Variants in NPR2 observed in about 807,000 individuals in gnomAD.
The protein encoded by NPR2 is atrial natriuretic peptide receptor 2.
A neutral mutation model predicts 120.7 loss-of-function variants in NPR2; 49 were observed. The observed-to-expected ratio is 0.41, with a 90% CI of 0.32 to 0.52. The LOEUF (loss-of-function observed/expected upper bound fraction) is 0.52. NPR2 is among the 20% of genes least tolerant of loss of function. The pLI is 0.36. For synonymous variants in NPR2, 484 were observed against 519.8 expected, an observed-to-expected ratio of 0.93 and a Z score of 0.94; for missense variants, 931 against 1,362.9, an observed-to-expected ratio of 0.68 and a Z score of 4.99.
rs762425106 is a variant in NPR2 at position 35,805,945 on chromosome 9, T to A, written c.2163T>A (p.Ser721Arg). 20 of 1,614,238 alleles carry A rather than the reference T, an allele frequency of 1.2e-5. No homozygotes were observed. The highest frequency in any genetic ancestry group is 1.6e-5 in the Non-Finnish European group (19 of 1,180,046). The change falls in exon 14 of 22, where the codon AGT (serine) becomes AGA (arginine). Residue 721 changes from serine to arginine, a missense_variant. This residue lies in a region of NPR2 where 681 missense variants were observed against 974.3 expected (regional missense o/e 0.70). Transcript: ENST00000342694. This position sits in a 1 kb window ranked among gnomAD's most constrained non-coding sequence, Gnocchi z 4.9. ...TCCTGCAGGAGATAGCACTTCGCAG[T>A]GGTCCTTTCTACTTGGAGGGCCTGG... ...GIILQEIALR[S>R]GPFYLEGLDL... is the part of the protein sequence containing the mutation.
At chr9:35,798,643 A>G (rs1301686977) in intron 2 of NPR2, among the ~76,000 whole-genome samples, 1 of 152,232 alleles carries the variant, frequency 6.6e-6, no homozygotes. Context: ...TCACAAAGTC[A>G]TGTTTCATAA....
At position 35,805,763 on chromosome 9, in the gene NPR2, A is replaced by G. The variant is rs968516531; in HGVS notation, c.2048-67A>G. The G allele has an allele frequency of 6.2e-7, 1 of 1,607,236 alleles. No homozygotes were observed. Among genetic ancestry groups the G allele is most frequent in the African/African-American group, 1.3e-5 (1 of 74,902 alleles). On this transcript the variant is annotated intron_variant, in intron 13 of 21. Transcript: ENST00000342694. The surrounding 1 kb of genome is among the most constrained non-coding windows in gnomAD (Gnocchi z 4.9). Reference sequence around the variant, plus strand: ...GAGGTGGAGTGACAGTAATATAGGGATGAGCCCAGGTGGGCTTGGGGGTGC... The same window carrying G: ...GAGGTGGAGTGACAGTAATATAGGGGTGAGCCCAGGTGGGCTTGGGGGTGC...
Position 35,799,715 on chromosome 9 carries a change from A to G in NPR2, c.971A>G (p.Glu324Gly). 1 of 1,613,524 alleles carries G rather than the reference A, an allele frequency of 6.2e-7. No individual in the cohort carries two copies. Among genetic ancestry groups the G allele is most frequent in the Non-Finnish European group, 8.5e-7 (1 of 1,179,670 alleles). Reference sequence around the variant, plus strand: ...AGAGCCCGGGAAGACTTTGGTGTGGAGCTGGGCCCTTCCCTGGTAAGTAGA... The same window carrying G: ...AGAGCCCGGGAAGACTTTGGTGTGGGGCTGGGCCCTTCCCTGGTAAGTAGA... ...LIRAREDFGV[E>G]LGPSLMNLIA... The change falls in exon 3 of 22, where the codon GAG (glutamate) becomes GGG (glycine). Residue 324 changes from glutamate (E) to glycine (G), a missense_variant. This residue lies in a region of NPR2 where 681 missense variants were observed against 974.3 expected (regional missense o/e 0.70). Coordinates refer to ENST00000342694, the MANE Select transcript of NPR2 (RefSeq NM_003995.4).
At chr9:35,796,387 G>A (rs963631634) in intron 2 of NPR2, among the ~76,000 whole-genome samples, 3 of 152,150 alleles carry the variant, frequency 2.0e-5, no homozygotes, top group African/African-American at 7.2e-5. Context: ...GTCTTATCAT[G>A]TTGCCCAGGC....
Position 35,800,924 on chromosome 9 carries a change from T to C in NPR2, c.1351+83T>C. On this transcript the variant is annotated intron_variant, in intron 6 of 21. Coordinates refer to ENST00000342694, the MANE Select transcript of NPR2 (RefSeq NM_003995.4). This position sits in a 1 kb window ranked among gnomAD's most constrained non-coding sequence, Gnocchi z 4.7. ...TCCACCCTCACTGACCCTCCACTCT[T>C]AACTGTGCTTCTGCCTTTACGTCTG... 1 of 1,592,480 alleles carries C rather than the reference T, an allele frequency of 6.3e-7. No homozygotes were observed. The highest frequency in any genetic ancestry group is 8.6e-7 in the Non-Finnish European group (1 of 1,160,270).
chr9:35,802,108 C>T lies in NPR2; in HGVS notation c.1633-98C>T. ...TCCCTCATACCCGACTCTCTGTGCC[C>T]AGCTGAGCTCCTGGGTGCTTCCACT... On this transcript the variant is annotated intron_variant, in intron 9 of 21. Coordinates refer to ENST00000342694, the MANE Select transcript of NPR2 (RefSeq NM_003995.4). The surrounding 1 kb of genome is among the most constrained non-coding windows in gnomAD (Gnocchi z 4.2). 1 of 1,320,022 alleles carries T rather than the reference C, an allele frequency of 7.6e-7. No homozygotes were observed. The allele number at this position is 1,320,022 out of a possible 1,614,324, so 81.8% of individuals were successfully genotyped here. A position where few individuals can be genotyped will look rare whatever the true frequency, so the allele number is the denominator to read the frequency against.
In NPR2 at chr9:35,806,162, A is replaced by G; in HGVS notation, c.2301A>G (p.Arg767=). 6.2e-7 allele frequency: 1 copy of G among 1,614,234 alleles called. No individual in the cohort carries two copies. Among genetic ancestry groups the G allele is most frequent in the Non-Finnish European group, 8.5e-7 (1 of 1,180,050 alleles). ...LNEELVLLME[R]CWAQDPAERP... ...AAGAGCTAGTTTTGCTGATGGAGCGATGTTGGGCTCAGGACCCAGCTGAGC... is the reference window on the plus strand; with the variant it reads ...AAGAGCTAGTTTTGCTGATGGAGCGGTGTTGGGCTCAGGACCCAGCTGAGC... The change falls in exon 15 of 22, where the codon CGA becomes CGG. Residue 767 remains arginine (R), a synonymous_variant. Transcript: ENST00000342694. The surrounding 1 kb of genome is among the most constrained non-coding windows in gnomAD (Gnocchi z 4.6).
chr9:35,808,062 C>T lies in NPR2; in HGVS notation c.2713-447C>T. On this transcript the variant is annotated intron_variant, in intron 18 of 21. Coordinates refer to ENST00000342694, the MANE Select transcript of NPR2 (RefSeq NM_003995.4). The surrounding 1 kb of genome is among the most constrained non-coding windows in gnomAD (Gnocchi z 4.0). ...ACTGTGTATTTCCTTAAAACAATGG[C>T]ATTTATTCTCTTACATAGCTTTGGC... is the stretch of plus-strand genomic sequence containing the variant. 4 of 777,450 alleles carry T rather than the reference C, an allele frequency of 5.1e-6. No individual in the cohort carries two copies. Among genetic ancestry groups the T allele is most frequent in the Non-Finnish European group, 8.9e-6 (4 of 447,272 alleles). The allele number at this position is 777,450 out of a possible 1,614,324, so 48.2% of individuals were successfully genotyped here.
chr9:35,800,353 T>C lies in NPR2; in HGVS notation c.1124-36T>C. ...GAGTGAGTGGGAGAGGAGCCCAGGG[T>C]AGACCTCAAAGAAAGGACACTCTTT... On this transcript the variant is annotated intron_variant, in intron 4 of 21. Transcript: ENST00000342694. The surrounding 1 kb of genome is among the most constrained non-coding windows in gnomAD (Gnocchi z 4.7). The C allele has an allele frequency of 6.3e-7, 1 of 1,578,518 alleles. No individual in the cohort carries two copies. The highest frequency in any genetic ancestry group is 8.7e-7 in the Non-Finnish European group (1 of 1,147,666).
In NPR2 at chr9:35,808,450, CTT is replaced by C. The variant is rs1472775420; in HGVS notation, c.2713-55_2713-54del. On this transcript the variant is annotated intron_variant, in intron 18 of 21. Coordinates refer to ENST00000342694, the MANE Select transcript of NPR2 (RefSeq NM_003995.4). The surrounding 1 kb of genome is among the most constrained non-coding windows in gnomAD (Gnocchi z 4.0). ...ATGGTGTCAAGCTTGTCTCCCTCTA[CTT>C]TTTCCCATCCCCATGGATATAAATA... 1.3e-6 allele frequency: 2 copies of C among 1,572,060 alleles called. No homozygotes were observed. Among genetic ancestry groups the C allele is most frequent in the East Asian group, 4.5e-5 (2 of 44,664 alleles).
chr9:35,799,964 A>C (rs1351086013), intron 3 of NPR2, 58 bp from the exon 4 acceptor site: 2 of 1,608,060 alleles, frequency 1.2e-6, no homozygotes, highest in African/African-American at 2.7e-5. Context: ...GACCCCAGAG[A>C]GAGGGGAAGG....
intron 2 of NPR2, among the ~76,000 whole-genome samples, chr9:35,798,847 C>T (rs778536396): frequency 1.1e-4 from 16 of 152,166 alleles, no homozygotes; most frequent in Admixed American, 3.9e-4. Context: ...CTGACTCATG[C>T]GCCAGTGAGA....
intron 2 of NPR2, among the ~76,000 whole-genome samples, chr9:35,797,221 A>G (rs1588054948): frequency 1.3e-5 from 2 of 152,190 alleles, no homozygotes; most frequent in African/African-American, 2.4e-5. Flanking sequence ...TCACCTAGAC[A>G]GGAGTAGAGC....
chr9:35,799,801 A>T, intron 3 of NPR2, 70 bp downstream of exon 3: 1 of 1,457,522 alleles, frequency 6.9e-7, no homozygotes, highest in East Asian at 2.3e-5. Flanking sequence ...CAAACTCAGC[A>T]TCAAGTCTTG....
chr9:35,800,747 G>A lies in NPR2; in HGVS notation c.1257G>A (p.Trp419Ter), dbSNP rs1282365060. The stretch of plus-strand genomic sequence containing the variant: ...ACTCGGGAGCTGAGAAGCAGATTTG[G>A]TGGACGGGACGGCCTATTCCCTGGG... ...AHYSGAEKQIWWTGRPIPWVK... is the reference protein window; with the variant it reads ...AHYSGAEKQI Residue 419 changes from tryptophan (W) to a stop codon, truncating the protein, a stop_gained, in exon 6 of 22, where the codon TGG (tryptophan) becomes TGA (stop). Transcript: ENST00000342694. LOFTEE classifies it high-confidence loss of function. This position sits in a 1 kb window ranked among gnomAD's most constrained non-coding sequence, Gnocchi z 4.7. 6.2e-7 allele frequency: 1 copy of A among 1,614,194 alleles called. No individual in the cohort carries two copies. Among genetic ancestry groups the A allele is most frequent in the Admixed American group, 1.7e-5 (1 of 60,026 alleles).
Position 35,800,161 on chromosome 9 carries a change from A to C in NPR2, c.1123+4A>C, listed in dbSNP as rs780421843. 2 of 1,613,168 alleles carry C rather than the reference A, an allele frequency of 1.2e-6. No homozygotes were observed. The highest frequency in any genetic ancestry group is 3.3e-5 in the Admixed American group (2 of 60,026). ...ATGCAGGGACGAAGATATCACGGTA[A>C]TGAAGAGGGGTCAATGGGGGTCTGA... On this transcript the variant is annotated splice_donor_region_variant and intron_variant, in intron 4 of 21. Coordinates refer to ENST00000342694, the MANE Select transcript of NPR2 (RefSeq NM_003995.4). The surrounding 1 kb of genome is among the most constrained non-coding windows in gnomAD (Gnocchi z 4.7).
intron 2 of NPR2, among the ~76,000 whole-genome samples, chr9:35,797,834 G>C (rs1827990686): frequency 6.6e-6 from 1 of 152,048 alleles, no homozygotes; most frequent in East Asian, 1.9e-4. Flanking sequence ...GGGGACCATG[G>C]GGTCAAAACT....
rs777554166 is a variant in NPR2 at position 35,806,053 on chromosome 9, G to A, written c.2204-12G>A. ...AACTCTGTTCTTCATCCAAACCTTT[G>A]ATCACCCTCAGAGATTGTCCAGAAG... On this transcript the variant is annotated splice_polypyrimidine_tract_variant and intron_variant, in intron 14 of 21. Coordinates refer to ENST00000342694, the MANE Select transcript of NPR2 (RefSeq NM_003995.4). This position sits in a 1 kb window ranked among gnomAD's most constrained non-coding sequence, Gnocchi z 4.6. 1 of 1,614,044 alleles carries A rather than the reference G, an allele frequency of 6.2e-7. No individual in the cohort carries two copies. Among genetic ancestry groups the A allele is most frequent in the Admixed American group, 1.7e-5 (1 of 60,018 alleles).
In NPR2 at chr9:35,799,652, A is replaced by G. The variant is rs1457745304; in HGVS notation, c.908A>G (p.Asn303Ser). Residue 303 changes from asparagine to serine, a missense_variant, in exon 3 of 22, where the codon AAT becomes AGT. Physicochemically the swap from Asn to Ser is conservative, Grantham distance 46. Coordinates refer to ENST00000342694, the MANE Select transcript of NPR2 (RefSeq NM_003995.4). ...GTGATCACGTACCGAGAACCCCCAA[A>G]TCCTGAGTATCAGGAATTCCAGAAT... Reference protein sequence around the residue: ...VLVITYREPPNPEYQEFQNRL... With the variant: ...VLVITYREPPSPEYQEFQNRL... The G allele has an allele frequency of 6.2e-7, 1 of 1,613,904 alleles. No homozygotes were observed. Among genetic ancestry groups the G allele is most frequent in the Non-Finnish European group, 8.5e-7 (1 of 1,179,926 alleles).
Sources: allele counts gnomAD v4.1 joint callset (sites outside exome capture counted in the v4.1 genomes callset), GRCh38; gene constraint gnomAD v4.1.1; regional missense constraint gnomAD v4.1.1; non-coding constraint Gnocchi (gnomAD v3.1); transcripts MANE v1.5; gene names NCBI Gene and HGNC (gene_info 2026-07-23, HGNC 2026-07-21).